ADAM10: variants seen among roughly 807,000 people sequenced by gnomAD.
The protein encoded by ADAM10 is disintegrin and metalloproteinase domain-containing protein 10.
A neutral mutation model predicts 90.1 loss-of-function variants in ADAM10; 17 were observed. The observed-to-expected ratio is 0.19, with a 90% CI of 0.13 to 0.28. The LOEUF (loss-of-function observed/expected upper bound fraction) is 0.28. Among genes scored for constraint, ADAM10 ranks in the 10% least tolerant of loss-of-function variants. The pLI is 1.00. For synonymous variants in ADAM10, 310 were observed against 298.6 expected, an observed-to-expected ratio of 1.04 and a Z score of -0.40; for missense variants, 610 against 914.3, an observed-to-expected ratio of 0.67 and a Z score of 4.29.
chr15:58,629,696 T>G (rs1317860994), intron 9 of ADAM10, among the ~76,000 whole-genome samples: 1 of 152,226 alleles, frequency 6.6e-6, no homozygotes, highest in Non-Finnish European at 1.5e-5. Flanking sequence ...CTATTAAAAT[T>G]TTGATCTATT....
intron 1 of ADAM10, among the ~76,000 whole-genome samples, chr15:58,739,651 A>T (rs533426886): frequency 6.6e-6 from 1 of 152,368 alleles, no homozygotes; most frequent in South Asian, 2.1e-4. Flanking sequence ...CAAAGCTGTC[A>T]ACAAAACTGT....
chr15:58,661,685 A>C (rs1364834585), intron 5 of ADAM10, among the ~76,000 whole-genome samples: 2 of 152,064 alleles, frequency 1.3e-5, no homozygotes, highest in Non-Finnish European at 2.9e-5. Flanking sequence ...CATGAATTGA[A>C]ATTTTTCCTA....
intron 14 of ADAM10, among the ~76,000 whole-genome samples, chr15:58,601,555 C>T (rs1895111507): frequency 6.6e-6 from 1 of 151,706 alleles, no homozygotes; most frequent in African/African-American, 2.4e-5. Flanking sequence ...TACTCTTGAA[C>T]ATTTTAGCAT....
At chr15:58,723,793 C>A (rs188606189) in intron 1 of ADAM10, among the ~76,000 whole-genome samples, 1 of 151,668 alleles carries the variant, frequency 6.6e-6, no homozygotes, top group East Asian at 2.0e-4. Flanking sequence ...CAACCATGAA[C>A]ATAACATTGT....
intron 5 of ADAM10, among the ~76,000 whole-genome samples, chr15:58,654,540 G>A (rs1441013226): frequency 6.6e-6 from 1 of 152,028 alleles, no homozygotes; most frequent in Non-Finnish European, 1.5e-5. Flanking sequence ...CACCACACCT[G>A]GCTAATTTTT....
chr15:58,653,011 CTGTT>C (rs1566981153), intron 5 of ADAM10, among the ~76,000 whole-genome samples: 2 of 152,066 alleles, frequency 1.3e-5, no homozygotes, highest in Admixed American at 6.6e-5. Flanking sequence ...CTTTTTCAGA[CTGTT>C]TGTTGCTGGA....
At chr15:58,673,070 A>G (rs1235171344) in intron 4 of ADAM10, 1 of 170,544 alleles carries the variant, frequency 5.9e-6, no homozygotes, top group Non-Finnish European at 1.3e-5. Flanking sequence ...ACAGTTAACC[A>G]CACTATCAAA....
At chr15:58,738,621 C>T (rs1448797652) in intron 1 of ADAM10, among the ~76,000 whole-genome samples, 1 of 152,164 alleles carries the variant, frequency 6.6e-6, no homozygotes, top group African/African-American at 2.4e-5. Flanking sequence ...AAAAATAACA[C>T]AAGCTGGCTC....
chr15:58,638,614 C>CAAAAA (rs60048171), intron 8 of ADAM10, among the ~76,000 whole-genome samples: 6 of 78,206 alleles, frequency 7.7e-5, no homozygotes, highest in Non-Finnish European at 1.4e-4. Context: ...CACTCTGTCT[C>CAAAAA]AAAAAAAAAA....
At position 58,735,630 on chromosome 15, in the gene ADAM10, C is replaced by G. The variant is rs144293463; in HGVS notation, c.55+13850G>C. Among the ~76,000 whole-genome samples, 520 of 151,868 alleles carry G rather than the reference C, an allele frequency of 3.4e-3. 6 individuals carry two copies. Among genetic ancestry groups the G allele is most frequent in the African/African-American group, 0.012 (489 of 41,434 alleles). On this transcript the variant is annotated intron_variant, in intron 1 of 15. Transcript: ENST00000260408. ...TACTGTGTTGTGTAGGGAATAATAA[C>G]AAGAAAAAAGTCTGTACATGTTAAG... is the stretch of plus-strand genomic sequence containing the variant.
In ADAM10 at chr15:58,592,800, T is replaced by C. The variant is rs1369516359; in HGVS notation, c.*4747A>G. The C allele has an allele frequency of 3.3e-5, 5 of 150,566 alleles. No homozygotes were observed. The highest frequency in any genetic ancestry group is 1.2e-4 in the African/African-American group (5 of 41,212). 9.3% of individuals were successfully genotyped at this position (150,566 alleles called of 1,614,324 possible). A position where few individuals can be genotyped will look rare whatever the true frequency, so the allele number is the denominator to read the frequency against. On this transcript the variant is annotated 3_prime_UTR_variant, in exon 16 of 16. Transcript: ENST00000260408. ...AATCGTGGTAGTATAACTTGGTACA[T>C]CTATCTGGGAGACAGTACCATAATT... is the stretch of plus-strand genomic sequence containing the variant.
Position 58,599,635 on chromosome 15 carries a change from A to G in ADAM10, c.2115T>C (p.Ser705=), listed in dbSNP as rs752523528. 17 of 1,613,478 alleles carry G rather than the reference A, an allele frequency of 1.1e-5. No individual in the cohort carries two copies. Among genetic ancestry groups the G allele is most frequent in the African/African-American group, 6.7e-5 (5 of 74,902 alleles). The change falls in exon 15 of 16, where the codon AGT becomes AGC. Residue 705 remains serine, a synonymous_variant. Coordinates refer to ENST00000260408, the MANE Select transcript of ADAM10 (RefSeq NM_001110.4). ...TAGGAGGAGGCAACTTTGGATTACT[A>G]CTTGGAGTATGAACACTGCATATCT... The part of the protein sequence containing the change: ...FIKICSVHTP[S]SNPKLPPPKP...
At chr15:58,665,972 T>C (rs1308567710) in intron 4 of ADAM10, among the ~76,000 whole-genome samples, 1 of 151,870 alleles carries the variant, frequency 6.6e-6, no homozygotes, top group Non-Finnish European at 1.5e-5. Flanking sequence ...TACCTCAGTT[T>C]CTCATTTCCA....
chr15:58,686,383 TG>T, intron 2 of ADAM10: 1 of 891,974 alleles, frequency 1.1e-6, no homozygotes, highest in Non-Finnish European at 1.8e-6. Flanking sequence ...AAAACAAGGC[TG>T]GGCCCTCGGA....
intron 4 of ADAM10, among the ~76,000 whole-genome samples, chr15:58,668,644 G>A (rs1288887601): frequency 6.6e-6 from 1 of 152,102 alleles, no homozygotes; most frequent in South Asian, 2.1e-4. Flanking sequence ...CACTGAGGTA[G>A]TATGCACTAC....
At chr15:58,615,623 A>T (rs374635552) in intron 11 of ADAM10, among the ~76,000 whole-genome samples, 4 of 152,310 alleles carry the variant, frequency 2.6e-5, no homozygotes, top group South Asian at 2.1e-4. Flanking sequence ...ACTAAAAGTA[A>T]AGGAACAGAA....
chr15:58,612,510 C>T (rs1389606602), intron 11 of ADAM10, among the ~76,000 whole-genome samples: 1 of 152,170 alleles, frequency 6.6e-6, no homozygotes, highest in Non-Finnish European at 1.5e-5. Flanking sequence ...CTGTTCCCTG[C>T]CCCCTAGGGC....
At chr15:58,710,709 C>T (rs1595644230) in intron 2 of ADAM10, among the ~76,000 whole-genome samples, 1 of 152,230 alleles carries the variant, frequency 6.6e-6, no homozygotes, top group Middle Eastern at 3.4e-3. Flanking sequence ...GATTTAACTA[C>T]CATCAGTATT....
intron 3 of ADAM10, 32 bp downstream of exon 3, chr15:58,682,164 G>T: frequency 6.2e-7 from 1 of 1,604,458 alleles, no homozygotes; most frequent in Non-Finnish European, 8.5e-7. Context: ...AAAAAAAATG[G>T]AAGAAAAGGG....
Sources: gnomAD v4.1 joint callset for allele counts (sites outside exome capture counted in the v4.1 genomes callset) on GRCh38, gnomAD v4.1.1 for gene constraint, MANE v1.5 for transcripts, NCBI Gene and HGNC (gene_info 2026-07-23, HGNC 2026-07-21) for gene names.